DNAJC9: variants seen among roughly 807,000 people sequenced by gnomAD.
DNAJC9 encodes dnaJ homolog subfamily C member 9.
DNAJC9 carries 18 observed loss-of-function variants against 32.4 expected under a neutral mutation model. That is an observed-to-expected ratio of 0.56 (90% CI 0.38 to 0.82). The LOEUF (loss-of-function observed/expected upper bound fraction) is 0.82, where lower values mean the gene tolerates loss of function less well. Among genes scored for constraint, DNAJC9 ranks in the 40% least tolerant of loss-of-function variants. The pLI, the probability that DNAJC9 is intolerant of heterozygous loss-of-function variation, is 0.00. For synonymous variants in DNAJC9, 113 were observed against 122.1 expected, an observed-to-expected ratio of 0.93 and a Z score of 0.49; for missense variants, 310 against 321.8, an observed-to-expected ratio of 0.96 and a Z score of 0.28.
At chr10:73,244,986 C>T (rs948235002) in intron 3 of DNAJC9, among the ~76,000 whole-genome samples, 7 of 152,150 alleles carry the variant, frequency 4.6e-5, no homozygotes, top group Admixed American at 4.6e-4. Context: ...GTTTCTCAAG[C>T]TAACAGTCTA....
intron 3 of DNAJC9, 103 bp downstream of exon 3, chr10:73,245,819 G>C (rs1164419314): frequency 1.4e-6 from 2 of 1,426,850 alleles, no homozygotes; most frequent in African/African-American, 1.4e-5. Flanking sequence ...GTTAACCCTA[G>C]TCCTTATTTC....
chr10:73,236,467 G>T (rs1264101395), downstream of DNAJC9, among the ~76,000 whole-genome samples: 1 of 148,706 alleles, frequency 6.7e-6, no homozygotes, highest in Non-Finnish European at 1.5e-5. Context: ...AGGGTGGAGT[G>T]TAATGGCGCA....
Position 73,247,168 on chromosome 10 carries a change from C to A in DNAJC9, c.22G>T (p.Glu8Ter). The stretch of plus-strand genomic sequence containing the variant: ...AGGTCGGCGGTGCCGAACACTTCCT[C>A]GCAAAGGTCCAGCAGCCCCATGCCG... MGLLDLC[E>*]EVFGTADLYR... The change falls in exon 1 of 5, where the codon GAG becomes TAG. Residue 8 changes from glutamate to a stop codon, truncating the protein, a stop_gained. Coordinates refer to ENST00000372950, the MANE Select transcript of DNAJC9 (RefSeq NM_015190.5). LOFTEE classifies it high-confidence loss of function. 1 of 1,596,338 alleles carries A rather than the reference C, an allele frequency of 6.3e-7. No homozygotes were observed. Among genetic ancestry groups the A allele is most frequent in the Non-Finnish European group, 8.5e-7 (1 of 1,172,542 alleles).
Position 73,243,673 on chromosome 10 carries a change from G to A in DNAJC9, c.664-154C>T, listed in dbSNP as rs374658313. ...TGTCCTACAATTGGTGTTAATAATT[G>A]TAAAACTTTGTAAATACACTTAAAA... On this transcript the variant is annotated intron_variant, in intron 4 of 4. Transcript: ENST00000372950. The A allele has an allele frequency of 1.5e-5, 17 of 1,152,544 alleles. 1 individual carries two copies. The highest frequency in any genetic ancestry group is 1.1e-4 in the African/African-American group (7 of 63,936). 71.4% of individuals were successfully genotyped at this position (1,152,544 alleles called of 1,614,324 possible).
Position 73,242,203 on chromosome 10 carries a change from C to T in DNAJC9, c.*1197G>A, listed in dbSNP as rs777725997. On this transcript the variant is annotated 3_prime_UTR_variant, in exon 5 of 5. Transcript: ENST00000372950. ...CCTATTTGTAGTCACAAACCGAAAA[C>T]GTGTCGTCTTTACCTTAGAGCTAAA... 8.5e-5 allele frequency: 13 copies of T among 152,080 alleles called. No individual in the cohort carries two copies. The highest frequency in any genetic ancestry group is 1.3e-4 in the Admixed American group (2 of 15,276). 9.4% of individuals were successfully genotyped at this position (152,080 alleles called of 1,614,324 possible).
At position 73,247,038 on chromosome 10, in the gene DNAJC9, T is replaced by C; in HGVS notation, c.152A>G (p.Asp51Gly). 1 of 1,541,600 alleles carries C rather than the reference T, an allele frequency of 6.5e-7. No homozygotes were observed. ...QVHPDRVGEG[D>G]KEDATRRFQI... ...GAAGCGGCGGGTGGCGTCCTCCTTG[T>C]CGCCCTCACCCACCCGGTCCGGGTG... The change falls in exon 1 of 5, where the codon GAC becomes GGC. Residue 51 changes from aspartate (D) to glycine (G), a missense_variant. By Grantham distance (94) the Asp-to-Gly change is moderately conservative. Transcript: ENST00000372950.
chr10:73,237,885 G>A (rs777668007), downstream of DNAJC9, among the ~76,000 whole-genome samples: 63 of 152,058 alleles, frequency 4.1e-4, no homozygotes, highest in Non-Finnish European at 6.9e-4. Context: ...CTCTGCACCT[G>A]GCTAAAAACA....
At chr10:73,235,811 G>A (rs977560768), downstream of DNAJC9, among the ~76,000 whole-genome samples, 7 of 152,124 alleles carry the variant, frequency 4.6e-5, no homozygotes, top group Admixed American at 3.9e-4. Flanking sequence ...GGGACTACAG[G>A]TGCACACCAC....
At chr10:73,235,142 C>T, downstream of DNAJC9, 3 of 1,538,174 alleles carry the variant, frequency 2.0e-6, no homozygotes, top group Non-Finnish European at 8.8e-7. Flanking sequence ...TAACTACATA[C>T]CACATTACAG....
downstream of DNAJC9, among the ~76,000 whole-genome samples, chr10:73,236,847 C>G (rs149299830): frequency 2.2e-3 from 329 of 151,974 alleles, 2 homozygotes; most frequent in African/African-American, 7.6e-3. Flanking sequence ...TCCTGAGTAG[C>G]TGGGACTACA....
chr10:73,236,864 T>G (rs188979227), downstream of DNAJC9, among the ~76,000 whole-genome samples: 291 of 151,812 alleles, frequency 1.9e-3, 3 homozygotes, highest in African/African-American at 6.6e-3. Flanking sequence ...TACAGGCACA[T>G]GCCACCATGC....
rs1437474946 is a variant in DNAJC9, at chr10:73,245,917, C to T, written c.576+5G>A. ...AATATAAATCCACAGTATTCAAAAT[C>T]TTACCCTCCTTTTCCTTGCATTCAT... On this transcript the variant is annotated splice_donor_5th_base_variant and intron_variant, in intron 3 of 4. Transcript: ENST00000372950. 15 of 1,610,412 alleles carry T rather than the reference C, an allele frequency of 9.3e-6. No individual in the cohort carries two copies. In the African/African-American group the frequency reaches 1.5e-4, roughly 16 times the overall value.
At chr10:73,246,923 C>T (rs2044020577) in intron 1 of DNAJC9, 87 bp downstream of exon 1, 2 of 1,587,952 alleles carry the variant, frequency 1.3e-6, no homozygotes, top group South Asian at 2.3e-5. Context: ...CGGAGCTCAG[C>T]GCGCTCCCCC....
chr10:73,246,314 T>C (rs1166539933), intron 2 of DNAJC9, 138 bp from the exon 3 acceptor site: 2 of 933,836 alleles, frequency 2.1e-6, no homozygotes, highest in Non-Finnish European at 3.2e-6. Context: ...AGATTTTCTA[T>C]GCCTAAGCTT....
At chr10:73,243,598 A>G in intron 4 of DNAJC9, 79 bp from the exon 5 acceptor site, 1 of 1,564,024 alleles carries the variant, frequency 6.4e-7, no homozygotes, top group Non-Finnish European at 8.7e-7. Flanking sequence ...AGGGGCTGGA[A>G]AAGTGGAATA....
chr10:73,237,237 G>A (rs1290104775), downstream of DNAJC9, among the ~76,000 whole-genome samples: 1 of 152,158 alleles, frequency 6.6e-6, no homozygotes, highest in Non-Finnish European at 1.5e-5. Context: ...ACCCCACGAG[G>A]CTGACTTAGG....
chr10:73,240,710 C>A, downstream of DNAJC9, among the ~76,000 whole-genome samples: 1 of 149,202 alleles, frequency 6.7e-6, no homozygotes, highest in Non-Finnish European at 1.5e-5. Context: ...TGAGACTCCA[C>A]CTCCAAAAAA....
chr10:73,232,722 T>A (rs749800780), intron 2 of DNAJC9, among the ~76,000 whole-genome samples: 4 of 152,224 alleles, frequency 2.6e-5, no homozygotes, highest in Non-Finnish European at 5.9e-5. Flanking sequence ...TAGTAAATTA[T>A]GTTTATGATT....
At chr10:73,245,355 T>G (rs1444936635) in intron 3 of DNAJC9, among the ~76,000 whole-genome samples, 1 of 88,238 alleles carries the variant, frequency 1.1e-5, no homozygotes, top group African/African-American at 4.6e-5. Context: ...CCCCCCCAAC[T>G]CTCCTCACCC....
Sources: gnomAD v4.1 joint callset for allele counts (sites outside exome capture counted in the v4.1 genomes callset) on GRCh38, gnomAD v4.1.1 for gene constraint, MANE v1.5 for transcripts, NCBI Gene and HGNC (gene_info 2026-07-23, HGNC 2026-07-21) for gene names.